Variants in NDUFB6 observed in about 807,000 individuals in gnomAD.
NDUFB6 encodes NADH dehydrogenase [ubiquinone] 1 beta subcomplex subunit 6.
Under a neutral mutation model 17.5 loss-of-function variants are expected in NDUFB6, and 23 were observed. The ratio of observed to expected loss-of-function variants is 1.31; its 90% CI spans 0.94 to 1.86. The LOEUF is 1.86. Ranked by LOEUF, NDUFB6 falls within the 40% of genes most tolerant of loss-of-function variation. The pLI, the probability that NDUFB6 is intolerant of heterozygous loss-of-function variation, is 0.00. For synonymous variants in NDUFB6, 60 were observed against 53.5 expected (o/e 1.12, Z -0.53); for missense variants, 167 against 153.8 (o/e 1.09, Z -0.46).
At position 32,558,902 on chromosome 9, in the gene NDUFB6, A is replaced by G. The variant is rs767430552; in HGVS notation, c.318+8T>C. ...AACAAAAGAAAAATCAGAAGTGTTA[A>G]GACTTACAGGGAATATTCTGGACTT... On this transcript the variant is annotated splice_region_variant and intron_variant, in intron 3 of 3. Coordinates refer to ENST00000379847, the MANE Select transcript of NDUFB6 (RefSeq NM_002493.5). 6.4e-7 allele frequency: 1 copy of G among 1,553,348 alleles called. No individual in the cohort carries two copies. Among genetic ancestry groups the G allele is most frequent in the Non-Finnish European group, 8.8e-7 (1 of 1,132,978 alleles).
At chr9:32,557,497 T>C (rs1470298103) in intron 3 of NDUFB6, among the ~76,000 whole-genome samples, 1 of 151,288 alleles carries the variant, frequency 6.6e-6, no homozygotes, top group African/African-American at 2.4e-5. Context: ...TCCTTTTTTT[T>C]TGAGATGGAG....
chr9:32,571,184 G>C (rs1563999001), intron 1 of NDUFB6, 132 bp from the exon 2 acceptor site: 3 of 634,736 alleles, frequency 4.7e-6, no homozygotes, highest in Non-Finnish European at 8.2e-6. Context: ...TTTTCTTATA[G>C]TCTGTAGGTA....
At chr9:32,566,803 C>A in intron 2 of NDUFB6, 1 of 889,308 alleles carries the variant, frequency 1.1e-6, no homozygotes. Flanking sequence ...AGGAGGTCGG[C>A]CAGCAGTCTC....
chr9:32,563,493 T>C (rs1303245386), intron 2 of NDUFB6, among the ~76,000 whole-genome samples: 2 of 139,820 alleles, frequency 1.4e-5, no homozygotes, highest in Non-Finnish European at 3.1e-5. Context: ...CTATTGGGCT[T>C]TTTTTTTTTT....
Position 32,573,134 on chromosome 9 carries a change from G to A in NDUFB6, c.-74C>T, listed in dbSNP as rs79425889. 2.1e-3 allele frequency: 3,000 copies of A among 1,406,768 alleles called. 88 individuals are homozygous for A. In the East Asian group the frequency reaches 0.059, roughly 28 times the overall value. The allele number at this position is 1,406,768 out of a possible 1,614,324, so 87.1% of individuals were successfully genotyped here. On this transcript the variant is annotated 5_prime_UTR_variant, in exon 1 of 4. Coordinates refer to ENST00000379847, the MANE Select transcript of NDUFB6 (RefSeq NM_002493.5). The stretch of plus-strand genomic sequence containing the variant: ...GGACTAGTTACTTAAGCGCGCTCCC[G>A]CTCTGCAAAGCGACCTTGCGGGAAC...
At chr9:32,561,632 A>G (rs1821629513) in intron 2 of NDUFB6, among the ~76,000 whole-genome samples, 1 of 152,106 alleles carries the variant, frequency 6.6e-6, no homozygotes, top group African/African-American at 2.4e-5. Context: ...CCCAGTCTAA[A>G]ATATTCACTT....
At chr9:32,569,282 G>A (rs535071041) in intron 2 of NDUFB6, among the ~76,000 whole-genome samples, 4 of 151,268 alleles carry the variant, frequency 2.6e-5, no homozygotes, top group East Asian at 2.0e-4. Context: ...GCAGTGGCAC[G>A]ATCTCAGCTC....
At chr9:32,572,131 C>T (rs1821952541) in intron 1 of NDUFB6, among the ~76,000 whole-genome samples, 1 of 152,166 alleles carries the variant, frequency 6.6e-6, no homozygotes, top group Admixed American at 6.5e-5. Flanking sequence ...GTGCCAAGCA[C>T]ACAGCAAGCA....
rs1325261690 is a variant in NDUFB6 at position 32,553,066 on chromosome 9, T to TA, written c.*809dup. ...AGCACTAGTATGCAAATTTTTCACTTAGAGATTTTAGTATTTTACATTCTC... is the reference window on the plus strand; with the variant it reads ...AGCACTAGTATGCAAATTTTTCACTTAAGAGATTTTAGTATTTTACATTCTC... On this transcript the variant is annotated 3_prime_UTR_variant, in exon 4 of 4. Coordinates refer to ENST00000379847, the MANE Select transcript of NDUFB6 (RefSeq NM_002493.5). 1.3e-5 allele frequency: 7 copies of TA among 520,886 alleles called. No individual in the cohort carries two copies. The highest frequency in any genetic ancestry group is 1.1e-4 in the South Asian group (4 of 34,864). The allele number at this position is 520,886 out of a possible 1,614,324, so 32.3% of individuals were successfully genotyped here.
intron 1 of NDUFB6, among the ~76,000 whole-genome samples, chr9:32,571,608 G>T (rs1203074154): frequency 1.3e-5 from 2 of 152,142 alleles, no homozygotes; most frequent in Non-Finnish European, 2.9e-5. Context: ...ACTAAAAATG[G>T]AACTTTCCCA....
chr9:32,561,687 A>G (rs1821631065), intron 2 of NDUFB6, among the ~76,000 whole-genome samples: 1 of 152,162 alleles, frequency 6.6e-6, no homozygotes, highest in Non-Finnish European at 1.5e-5. Context: ...CCCTACTTGT[A>G]ATTTCCAAGG....
At chr9:32,555,142 G>A (rs1435495566) in intron 3 of NDUFB6, among the ~76,000 whole-genome samples, 1 of 152,148 alleles carries the variant, frequency 6.6e-6, no homozygotes, top group Non-Finnish European at 1.5e-5. Flanking sequence ...GCCAGTCATG[G>A]TGGCTCATGC....
chr9:32,568,367 G>T, intron 2 of NDUFB6: 1 of 238,932 alleles, frequency 4.2e-6, no homozygotes, highest in Non-Finnish European at 9.0e-6. Context: ...AGATGAGAAG[G>T]TGCTCCTTTT....
In NDUFB6 at chr9:32,573,008, A is replaced by G; in HGVS notation, c.53T>C (p.Leu18Pro). 1 of 1,605,616 alleles carries G rather than the reference A, an allele frequency of 6.2e-7. No homozygotes were observed. The highest frequency in any genetic ancestry group is 1.1e-5 in the South Asian group (1 of 90,614). ...CTGGTCCTTCAGCCATCGCCTTCTC[A>G]GCTCTCGCAGCTGCTGCAGCCGCAG... ...EKLRLQQLRELRRRWLKDQEL... is the reference protein window; with the variant it reads ...EKLRLQQLREPRRRWLKDQEL... Residue 18 changes from leucine to proline, a missense_variant, in exon 1 of 4, where the codon CTG (leucine) becomes CCG (proline). Leu to Pro is a moderately conservative substitution (Grantham distance 98). Coordinates refer to ENST00000379847, the MANE Select transcript of NDUFB6 (RefSeq NM_002493.5).
chr9:32,566,689 A>T, intron 2 of NDUFB6: 1 of 825,730 alleles, frequency 1.2e-6, no homozygotes, highest in Non-Finnish European at 2.2e-6. Flanking sequence ...TCACAGCTGT[A>T]TCTCAGATAG....
intron 2 of NDUFB6, among the ~76,000 whole-genome samples, chr9:32,569,992 T>C (rs1821903765): frequency 6.6e-6 from 1 of 152,214 alleles, no homozygotes. Context: ...TGCATTGTTC[T>C]ACAACCAATT....
intron 2 of NDUFB6, among the ~76,000 whole-genome samples, chr9:32,569,719 T>C (rs1459305454): frequency 6.6e-5 from 10 of 152,072 alleles, no homozygotes; most frequent in Admixed American, 5.2e-4. Flanking sequence ...AGTCTCACTA[T>C]GTTGCCCAAG....
At chr9:32,560,990 A>G (rs75326766) in intron 2 of NDUFB6, among the ~76,000 whole-genome samples, 1,546 of 152,348 alleles carry the variant, frequency 0.01, 17 homozygotes, top group South Asian at 0.016. Context: ...ACAGAAAGTA[A>G]TATATTTTCT....
intron 2 of NDUFB6, among the ~76,000 whole-genome samples, chr9:32,561,404 T>C (rs1821622257): frequency 6.6e-6 from 1 of 152,020 alleles, no homozygotes; most frequent in African/African-American, 2.4e-5. Context: ...CTCGACTCAC[T>C]GCAACTTCTG....
Sources: allele counts gnomAD v4.1 joint callset (sites outside exome capture counted in the v4.1 genomes callset), GRCh38; gene constraint gnomAD v4.1.1; transcripts MANE v1.5; gene names NCBI Gene and HGNC (gene_info 2026-07-23, HGNC 2026-07-21).